Variants in R3HDM2 observed in about 807,000 individuals in gnomAD.
The protein encoded by R3HDM2 is R3H domain-containing protein 2.
In R3HDM2, 38 loss-of-function variants were observed where a neutral mutation model predicts 124.5. That is an observed-to-expected ratio of 0.31 (90% CI 0.24 to 0.40). R3HDM2 has a LOEUF of 0.40. Among genes scored for constraint, R3HDM2 ranks in the 10% least tolerant of loss-of-function variants. The pLI, the probability that R3HDM2 is intolerant of heterozygous loss-of-function variation, is 1.00. For missense variants in R3HDM2, 869 were observed against 1,236.9 expected (o/e 0.70, Z 4.46); for synonymous variants, 391 against 448.0 (o/e 0.87, Z 1.61).
intron 2 of R3HDM2, among the ~76,000 whole-genome samples, chr12:57,312,928 C>CA (rs57500144): frequency 0.033 from 1,602 of 49,198 alleles, 70 homozygotes; most frequent in East Asian, 0.081. Flanking sequence ...GACTCTGGCT[C>CA]AAAAAAAAAA....
chr12:57,386,269 C>A lies in R3HDM2; in HGVS notation c.-36+9480G>T, dbSNP rs535332874. ...TGTGGGAGCTCCTTCCTGGGCTCGC[C>A]GAGGCGGGAGCCGGCTCCCTCAGCT... On this transcript the variant is annotated intron_variant, in intron 2 of 23. Transcript: ENST00000402412. 2.0e-3 allele frequency among the ~76,000 whole-genome samples: 297 copies of A among 152,238 alleles called. 2 individuals are homozygous for A. Among genetic ancestry groups the A allele is most frequent in the African/African-American group, 6.7e-3 (280 of 41,556 alleles).
At chr12:57,380,796 C>G (rs1013898980) in intron 2 of R3HDM2, among the ~76,000 whole-genome samples, 75 of 152,194 alleles carry the variant, frequency 4.9e-4, no homozygotes, top group African/African-American at 1.7e-3. Flanking sequence ...AGCCAAAAAG[C>G]TACAACATAT....
intron 1 of R3HDM2, among the ~76,000 whole-genome samples, chr12:57,414,478 G>A (rs1372667895): frequency 3.1e-5 from 2 of 64,848 alleles, no homozygotes; most frequent in Non-Finnish European, 2.8e-5. Context: ...CAAAGAGAAA[G>A]ACTCCATTAA....
intron 1 of R3HDM2, among the ~76,000 whole-genome samples, chr12:57,402,907 T>C (rs2068171868): frequency 6.6e-6 from 1 of 152,110 alleles, no homozygotes; most frequent in Admixed American, 6.6e-5. Context: ...TATTGCTAAG[T>C]GAAAAAAGAT....
intron 2 of R3HDM2, among the ~76,000 whole-genome samples, chr12:57,366,729 G>A (rs1207498659): frequency 6.6e-6 from 1 of 151,936 alleles, no homozygotes; most frequent in Non-Finnish European, 1.5e-5. Flanking sequence ...TCGCTCTGTT[G>A]CCCAGGCTGG....
Position 57,365,707 on chromosome 12 carries a change from A to G in R3HDM2, c.-36+30042T>C, listed in dbSNP as rs140466736. ...TCCCAGCACTTTGGGAAGCTGAGGC[A>G]GATGGATCACCTAAAGTCAGGGGCT... On this transcript the variant is annotated intron_variant, in intron 2 of 23. Transcript: ENST00000402412. Among the ~76,000 whole-genome samples the G allele has an allele frequency of 5.1e-3, 770 of 152,326 alleles. 5 individuals carry two copies. The highest frequency in any genetic ancestry group is 0.018 in the African/African-American group (732 of 41,572).
intron 8 of R3HDM2, 65 bp downstream of exon 8, chr12:57,297,263 G>T (rs1192681247): frequency 4.6e-6 from 4 of 872,888 alleles, no homozygotes; most frequent in Non-Finnish European, 7.2e-6. Flanking sequence ...TCCTAAAATT[G>T]TACCTAAATT....
intron 13 of R3HDM2, 135 bp from the exon 14 acceptor site, chr12:57,280,665 T>C: frequency 5.2e-6 from 4 of 768,608 alleles, no homozygotes; most frequent in Non-Finnish European, 7.9e-6. Context: ...CCCCACTGTC[T>C]TTTGAAGATT....
intron 2 of R3HDM2, among the ~76,000 whole-genome samples, chr12:57,377,457 T>C (rs1443367158): frequency 6.6e-6 from 1 of 152,082 alleles, no homozygotes; most frequent in Non-Finnish European, 1.5e-5. Flanking sequence ...CATGAAGAGA[T>C]AACTGGGTAC....
chr12:57,300,126 G>A lies in R3HDM2; in HGVS notation c.263C>T (p.Thr88Ile). Residue 88 changes from threonine to isoleucine, a missense_variant, in exon 5 of 24, where the codon ACC (threonine) becomes ATC (isoleucine). Thr to Ile is a moderately conservative substitution (Grantham distance 89). Transcript: ENST00000402412. The stretch of plus-strand genomic sequence containing the variant: ...TTCTAATGGCCCATCAGCAAATGGG[G>A]TGGAGGACTCCTCACACACTGCCAG... ...RSLAVCEESS[T>I]PFADGPLETQ... The A allele has an allele frequency of 1.3e-6, 2 of 1,551,626 alleles. No individual in the cohort carries two copies. Among genetic ancestry groups the A allele is most frequent in the Non-Finnish European group, 8.7e-7 (1 of 1,146,920 alleles).
chr12:57,292,671 G>T lies in R3HDM2; in HGVS notation c.811-4C>A. 2.6e-6 allele frequency: 4 copies of T among 1,540,570 alleles called. No individual in the cohort carries two copies. Among genetic ancestry groups the T allele is most frequent in the Non-Finnish European group, 3.5e-6 (4 of 1,139,670 alleles). ...CATCCTGCAATGGAACTCTGATCTA[G>T]ATCGATGAGCAGAATTAAGCTAGTT... On this transcript the variant is annotated splice_polypyrimidine_tract_variant and splice_region_variant and intron_variant, in intron 10 of 23. Coordinates refer to ENST00000402412, the MANE Select transcript of R3HDM2 (RefSeq NM_001394031.1).
In R3HDM2 at chr12:57,283,986, G is replaced by A; in HGVS notation, c.1009C>T (p.Leu337=). ...QSSTDSELKS[L]EPRPWSSTDS... The stretch of plus-strand genomic sequence containing the variant: ...GTGCTGCTCCAAGGGCGTGGCTCCA[G>A]GGATTTGAGTTCGCTGTCTGTGCTG... Residue 337 remains leucine (L), a synonymous_variant, in exon 13 of 24, where the codon CTG becomes TTG. Coordinates refer to ENST00000402412, the MANE Select transcript of R3HDM2 (RefSeq NM_001394031.1). 2 of 1,614,056 alleles carry A rather than the reference G, an allele frequency of 1.2e-6. No individual in the cohort carries two copies. The highest frequency in any genetic ancestry group is 2.2e-5 in the South Asian group (2 of 91,078).
Position 57,283,854 on chromosome 12 carries a change from C to A in R3HDM2, c.1141G>T (p.Gly381Cys). 1 of 1,614,224 alleles carries A rather than the reference C, an allele frequency of 6.2e-7. No individual in the cohort carries two copies. The highest frequency in any genetic ancestry group is 8.5e-7 in the Non-Finnish European group (1 of 1,180,042). Residue 381 changes from glycine (G) to cysteine (C), a missense_variant, in exon 13 of 24, where the codon GGC (glycine) becomes TGC (cysteine). Gly to Cys is a radical substitution (Grantham distance 159). Transcript: ENST00000402412. ...CTGGAGATCCTTCCCGCACTGCCGC[C>A]TTTACTGCTGCCGATGCTGTCACCT... ...TRGDSIGSSK[G>C]GSAGRISRPG...
At chr12:57,342,495 GACAC>G (rs36014724) in intron 2 of R3HDM2, among the ~76,000 whole-genome samples, 13 of 149,078 alleles carry the variant, frequency 8.7e-5, no homozygotes, top group African/African-American at 1.7e-4. Context: ...GGCACACACA[GACAC>G]ACACACACAC....
At chr12:57,371,859 C>A (rs113549427) in intron 2 of R3HDM2, among the ~76,000 whole-genome samples, 25 of 152,112 alleles carry the variant, frequency 1.6e-4, no homozygotes, top group African/African-American at 5.5e-4. Flanking sequence ...ATAGATTGTC[C>A]TTTTTTGTTG....
intron 2 of R3HDM2, among the ~76,000 whole-genome samples, chr12:57,385,479 C>A (rs1397210204): frequency 6.6e-6 from 1 of 151,816 alleles, no homozygotes; most frequent in East Asian, 2.0e-4. Flanking sequence ...CCTGACCTCG[C>A]GATCCGCCCA....
chr12:57,263,864 C>T (rs180868064), intron 19 of R3HDM2, among the ~76,000 whole-genome samples: 100 of 152,216 alleles, frequency 6.6e-4, no homozygotes, highest in African/African-American at 2.3e-3. Context: ...AACATAGTGA[C>T]GTACAAAAAA....
chr12:57,255,643 T>TC (rs2038748087), intron 23 of R3HDM2, among the ~76,000 whole-genome samples: 1 of 152,134 alleles, frequency 6.6e-6, no homozygotes, highest in African/African-American at 2.4e-5. Flanking sequence ...CGAGAGTTTC[T>TC]CCCCCATATT....
chr12:57,330,558 T>C (rs1326463280), intron 2 of R3HDM2, among the ~76,000 whole-genome samples: 1 of 150,388 alleles, frequency 6.6e-6, no homozygotes, highest in African/African-American at 2.5e-5. Flanking sequence ...TTGGTCAGGC[T>C]GGTCTTGAAC....
Sources: allele counts gnomAD v4.1 joint callset (sites outside exome capture counted in the v4.1 genomes callset), GRCh38; gene constraint gnomAD v4.1.1; transcripts MANE v1.5; gene names NCBI Gene and HGNC (gene_info 2026-07-23, HGNC 2026-07-21).